EFHB: variants seen among roughly 807,000 people sequenced by gnomAD.
The protein encoded by EFHB is EF-hand domain-containing family member B.
In EFHB, 91 loss-of-function variants were observed where a neutral mutation model predicts 87.2. The observed-to-expected ratio is 1.04, with a 90% confidence interval of 0.88 to 1.24. The LOEUF (loss-of-function observed/expected upper bound fraction) is 1.24, where lower values mean the gene tolerates loss of function less well. EFHB is among the 50% of genes most tolerant of loss of function. The pLI is 0.00. For synonymous variants in EFHB, 325 were observed against 333.6 expected, an observed-to-expected ratio of 0.97 and a Z score of 0.28; for missense variants, 1,084 against 998.8, an observed-to-expected ratio of 1.09 and a Z score of -1.15.
chr3:19,916,080 T>C (rs901317892), intron 4 of EFHB, among the ~76,000 whole-genome samples: 6 of 152,260 alleles, frequency 3.9e-5, no homozygotes, highest in African/African-American at 1.2e-4. Context: ...ATTTTTATTT[T>C]AGTTTGCTGC....
At chr3:19,908,600 GAAAGAAAGAAAGAAAGAA>G (rs1240127288) in intron 5 of EFHB, among the ~76,000 whole-genome samples, 25 of 97,362 alleles carry the variant, frequency 2.6e-4, no homozygotes, top group African/African-American at 1.1e-3. Context: ...GAGAGAGAGA[GAAAGAAAGAAAGAAAGAA>G]AGAAAGAAAG....
At chr3:19,924,349 G>T (rs1031653832) in intron 1 of EFHB, among the ~76,000 whole-genome samples, 1 of 151,822 alleles carries the variant, frequency 6.6e-6, no homozygotes, top group African/African-American at 2.4e-5. Context: ...GAGTAGCTGG[G>T]AATACAGGCA....
chr3:19,921,360 A>G (rs910404467), intron 1 of EFHB, among the ~76,000 whole-genome samples: 2 of 152,160 alleles, frequency 1.3e-5, no homozygotes, highest in Non-Finnish European at 2.9e-5. Flanking sequence ...GAGGAAGCCC[A>G]CAGACATAGC....
chr3:19,906,456 T>C (rs943643395), intron 5 of EFHB, among the ~76,000 whole-genome samples: 13 of 152,094 alleles, frequency 8.5e-5, no homozygotes, highest in African/African-American at 3.1e-4. Flanking sequence ...AATAATTCAA[T>C]TTATGATAGC....
At chr3:19,939,341 G>A (rs1187044552) in intron 1 of EFHB, among the ~76,000 whole-genome samples, 6 of 136,240 alleles carry the variant, frequency 4.4e-5, no homozygotes, top group African/African-American at 1.4e-4. Context: ...CCAGTAGCAC[G>A]TCTTGCCACT....
intron 1 of EFHB, among the ~76,000 whole-genome samples, chr3:19,928,448 T>C (rs1695706746): frequency 6.6e-6 from 1 of 152,084 alleles, no homozygotes; most frequent in Non-Finnish European, 1.5e-5. Context: ...AGAGACCTTG[T>C]TGTTGTTTTG....
upstream of EFHB, among the ~76,000 whole-genome samples, chr3:19,935,770 G>A (rs536918652): frequency 8.0e-4 from 122 of 152,132 alleles, 1 homozygote; most frequent in African/African-American, 2.8e-3. Context: ...CCGGCACTTT[G>A]GGAGGTAGAG....
At position 19,884,414 on chromosome 3, in the gene EFHB, A is replaced by G. The variant is rs1266552792; in HGVS notation, c.2135T>C (p.Ile712Thr). The G allele has an allele frequency of 6.2e-7, 1 of 1,613,356 alleles. No homozygotes were observed. Among genetic ancestry groups the G allele is most frequent in the Admixed American group, 1.7e-5 (1 of 59,922 alleles). The change falls in exon 11 of 13, where the codon ATT becomes ACT. Residue 712 changes from isoleucine to threonine, a missense_variant. Ile to Thr is a moderately conservative substitution (Grantham distance 89). Coordinates refer to ENST00000295824, the MANE Select transcript of EFHB (RefSeq NM_144715.4). ...SSEINAIVGA[I>T]PSTCYPICGV... ...AATAAGTGACATACAAGTAGAAGGAATGGCTCCTACAATTGCATTGATCTC... is the reference window on the plus strand; with the variant it reads ...AATAAGTGACATACAAGTAGAAGGAGTGGCTCCTACAATTGCATTGATCTC...
chr3:19,931,400 G>T lies in EFHB; in HGVS notation c.789+1830C>A, dbSNP rs1343704561. Among the ~76,000 whole-genome samples the T allele has an allele frequency of 2.6e-5, 4 of 152,226 alleles. No homozygotes were observed. In the East Asian group the frequency reaches 7.7e-4, roughly 29 times the overall value. The stretch of plus-strand genomic sequence containing the variant: ...TGGAAGCTGGTGTCTGCATGTGTGT[G>T]AGATCAGATCAGATCAGAAGCTGTA... On this transcript the variant is annotated intron_variant, in intron 1 of 12. Coordinates refer to ENST00000295824, the MANE Select transcript of EFHB (RefSeq NM_144715.4).
intron 1 of EFHB, among the ~76,000 whole-genome samples, chr3:19,929,918 T>C (rs573235572): frequency 5.6e-4 from 85 of 152,296 alleles, no homozygotes; most frequent in Non-Finnish European, 1.0e-3. Flanking sequence ...GGCTCTCAAA[T>C]AGGAATTTGA....
At chr3:19,909,513 A>T (rs1694984216) in intron 5 of EFHB, among the ~76,000 whole-genome samples, 1 of 151,878 alleles carries the variant, frequency 6.6e-6, no homozygotes. Flanking sequence ...CTCTTAGGCG[A>T]CTCCCAGAGC....
chr3:19,943,715 C>T (rs1038970543), intron 1 of EFHB, among the ~76,000 whole-genome samples: 21 of 152,140 alleles, frequency 1.4e-4, no homozygotes, highest in African/African-American at 4.8e-4. Context: ...ACTAGAGCAT[C>T]TGCAAATTTT....
At position 19,933,269 on chromosome 3, in the gene EFHB, G is replaced by T. The variant is rs1418056336; in HGVS notation, c.750C>A (p.Tyr250Ter). 6.2e-7 allele frequency: 1 copy of T among 1,613,994 alleles called. No individual in the cohort carries two copies. The highest frequency in any genetic ancestry group is 1.3e-5 in the African/African-American group (1 of 75,036). The change falls in exon 1 of 13, where the codon TAC becomes TAA. Residue 250 changes from tyrosine to a stop codon, truncating the protein, a stop_gained. Transcript: ENST00000295824. LOFTEE classifies it high-confidence loss of function. ...VEPPDRIRPI[Y>*]SGKFFDRTPC... Reference sequence around the variant, plus strand: ...GGGTCCGATCAAAAAACTTCCCAGAGTATATGGGTCTGATGCGATCTGGAG... The same window carrying T: ...GGGTCCGATCAAAAAACTTCCCAGATTATATGGGTCTGATGCGATCTGGAG...
At position 19,901,528 on chromosome 3, in the gene EFHB, A is replaced by G. The variant is rs76973010; in HGVS notation, c.1419-2013T>C. ...TCTGTGGAGGAACAAAAGAAGAAACATAAGTAATTCATCTCGTTTCTTCAT... is the reference window on the plus strand; with the variant it reads ...TCTGTGGAGGAACAAAAGAAGAAACGTAAGTAATTCATCTCGTTTCTTCAT... On this transcript the variant is annotated intron_variant, in intron 6 of 12. Coordinates refer to ENST00000295824, the MANE Select transcript of EFHB (RefSeq NM_144715.4). Among the ~76,000 whole-genome samples the G allele has an allele frequency of 9.2e-3, 1,404 of 152,342 alleles. 25 individuals carry two copies. The highest frequency in any genetic ancestry group is 0.032 in the African/African-American group (1,315 of 41,570).
intron 6 of EFHB, 93 bp downstream of exon 6, chr3:19,905,527 A>G: frequency 7.3e-7 from 1 of 1,360,556 alleles, no homozygotes; most frequent in Non-Finnish European, 1.0e-6. Context: ...ATATCATTTT[A>G]TTACCTCTTC....
At chr3:19,882,339 A>G (rs1484571018) in intron 12 of EFHB, among the ~76,000 whole-genome samples, 2 of 152,198 alleles carry the variant, frequency 1.3e-5, no homozygotes, top group Non-Finnish European at 2.9e-5. Flanking sequence ...ATTGAATGTA[A>G]AATATGAATT....
chr3:19,929,107 T>C (rs1416253339), intron 1 of EFHB, among the ~76,000 whole-genome samples: 1 of 152,218 alleles, frequency 6.6e-6, no homozygotes, highest in African/African-American at 2.4e-5. Context: ...AGGAAGAGAT[T>C]TGGCAATAGA....
chr3:19,931,168 A>T (rs1040320381), intron 1 of EFHB, among the ~76,000 whole-genome samples: 2 of 152,028 alleles, frequency 1.3e-5, no homozygotes, highest in Non-Finnish European at 2.9e-5. Context: ...GTCTCAAAAA[A>T]CAAAACAAAA....
intron 9 of EFHB, among the ~76,000 whole-genome samples, chr3:19,890,395 G>A (rs1054469547): frequency 6.6e-6 from 1 of 152,164 alleles, no homozygotes; most frequent in Non-Finnish European, 1.5e-5. Flanking sequence ...CATTTTTATG[G>A]TTTGGATACA....
Sources: gnomAD v4.1 joint callset for allele counts (sites outside exome capture counted in the v4.1 genomes callset) on GRCh38, gnomAD v4.1.1 for gene constraint, MANE v1.5 for transcripts, NCBI Gene and HGNC (gene_info 2026-07-23, HGNC 2026-07-21) for gene names.